The following TMEM74 variants were observed in gnomAD, a reference collection of about 807,000 sequenced individuals.
TMEM74 encodes transmembrane protein 74.
Under a neutral mutation model 18.1 loss-of-function variants are expected in TMEM74, and 13 were observed. That is an observed-to-expected ratio of 0.72 (90% CI 0.47 to 1.14). The LOEUF (loss-of-function observed/expected upper bound fraction) is 1.14, where lower values mean the gene tolerates loss of function less well. TMEM74 is among the 50% of genes most tolerant of loss of function. The pLI, the probability that TMEM74 is intolerant of heterozygous loss-of-function variation, is 0.00. For synonymous variants in TMEM74, 159 were observed against 146.6 expected (o/e 1.08, Z -0.61); for missense variants, 372 against 375.9 (o/e 0.99, Z 0.09).
chr8:108,689,558 C>A (rs1424219897), intron 1 of TMEM74, among the ~76,000 whole-genome samples: 1 of 152,180 alleles, frequency 6.6e-6, no homozygotes, highest in African/African-American at 2.4e-5. Context: ...TTCTACTCTG[C>A]TTCACCCATG....
chr8:108,629,396 T>C (rs1299067377), intron 2 of TMEM74, among the ~76,000 whole-genome samples: 3 of 151,964 alleles, frequency 2.0e-5, no homozygotes, highest in South Asian at 2.1e-4. Context: ...TGGAACCAAG[T>C]TGGAAAACAC....
chr8:108,685,294 G>T (rs1813156419), intron 1 of TMEM74, among the ~76,000 whole-genome samples: 3 of 152,030 alleles, frequency 2.0e-5, no homozygotes, highest in Admixed American at 1.3e-4. Flanking sequence ...TCTGTATCCT[G>T]CAACTTTACT....
At chr8:108,630,664 G>C (rs1812541919) in intron 2 of TMEM74, among the ~76,000 whole-genome samples, 2 of 152,006 alleles carry the variant, frequency 1.3e-5, no homozygotes, top group Admixed American at 6.6e-5. Flanking sequence ...TCAGGATTAA[G>C]AAATTCACTC....
intron 2 of TMEM74, among the ~76,000 whole-genome samples, chr8:108,650,702 T>TTTTATTTATTTATTTATTTA (rs71564014): frequency 2.4e-4 from 36 of 151,062 alleles, no homozygotes; most frequent in African/African-American, 5.3e-4. Flanking sequence ...GAGGCATTCT[T>TTTTATTTATTTATTTATTTA]TTTATTTATT....
chr8:108,692,726 C>T (rs111808324), intron 1 of TMEM74, among the ~76,000 whole-genome samples: 4,464 of 152,128 alleles, frequency 0.029, 122 homozygotes, highest in African/African-American at 0.066. Context: ...AACAAACAAA[C>T]AAATAAATAA....
rs1679284431 is a variant in TMEM74, at chr8:108,780,634, G to A, written c.*3547C>T. On this transcript the variant is annotated 3_prime_UTR_variant, in exon 2 of 2. Transcript: ENST00000297459. ...CCCTAAAACAAATAAGTATGAGGGG[G>A]ATGAACTCATATTTTAAGCAGACAG... Among the ~76,000 whole-genome samples the A allele has an allele frequency of 6.6e-6, 1 of 152,094 alleles. No homozygotes were observed. The highest frequency in any genetic ancestry group is 2.4e-5 in the African/African-American group (1 of 41,410).
intron 2 of TMEM74, among the ~76,000 whole-genome samples, chr8:108,650,407 C>T (rs1340402438): frequency 6.6e-6 from 1 of 152,102 alleles, no homozygotes; most frequent in Non-Finnish European, 1.5e-5. Context: ...ATTTTCTGTC[C>T]CAAACTATCT....
intron 1 of TMEM74, among the ~76,000 whole-genome samples, chr8:108,707,220 A>G (rs890518995): frequency 3.3e-5 from 5 of 151,848 alleles, no homozygotes; most frequent in Non-Finnish European, 7.4e-5. Flanking sequence ...AGCATTAGGA[A>G]AAATACCTAA....
chr8:108,723,702 C>A (rs1358718304), intron 1 of TMEM74, among the ~76,000 whole-genome samples: 2 of 151,878 alleles, frequency 1.3e-5, no homozygotes, highest in Non-Finnish European at 2.9e-5. Flanking sequence ...AAAATGAAAA[C>A]ATAAAACCAG....
intron 1 of TMEM74, among the ~76,000 whole-genome samples, chr8:108,766,563 C>T (rs758087999): frequency 9.9e-5 from 15 of 152,162 alleles, no homozygotes; most frequent in Non-Finnish European, 1.2e-4. Context: ...CCAAAACTTT[C>T]ACAATAGAGC....
At chr8:108,756,766 AG>A (rs1439252326) in intron 1 of TMEM74, among the ~76,000 whole-genome samples, 7 of 80,300 alleles carry the variant, frequency 8.7e-5, no homozygotes, top group East Asian at 5.3e-4. Flanking sequence ...GGAGGGAGGG[AG>A]GGGAGGGGAG....
intron 1 of TMEM74, among the ~76,000 whole-genome samples, chr8:108,733,693 C>T (rs1410194026): frequency 6.6e-6 from 1 of 152,090 alleles, no homozygotes; most frequent in Non-Finnish European, 1.5e-5. Flanking sequence ...CACTTATTAC[C>T]TCATTTCAGG....
At chr8:108,768,366 C>T (rs1465083227) in intron 1 of TMEM74, among the ~76,000 whole-genome samples, 1 of 152,088 alleles carries the variant, frequency 6.6e-6, no homozygotes, top group East Asian at 1.9e-4. Context: ...TCTCTGGACC[C>T]TTCCTAATCT....
In TMEM74 at chr8:108,784,339, T is replaced by A. The variant is rs1181301160; in HGVS notation, c.760A>T (p.Met254Leu). 2.4e-5 allele frequency: 38 copies of A among 1,614,004 alleles called. No homozygotes were observed. Among genetic ancestry groups the A allele is most frequent in the Non-Finnish European group, 3.1e-5 (37 of 1,180,014 alleles). Residue 254 changes from methionine to leucine, a missense_variant, in exon 2 of 2, where the codon ATG (methionine) becomes TTG (leucine). Met to Leu is a conservative substitution (Grantham distance 15). Coordinates refer to ENST00000297459, the MANE Select transcript of TMEM74 (RefSeq NM_153015.3). ...VILSCLLMMS[M>L]WKGELYRRNR... ...CGACGATAGAGCTCCCCCTTCCACA[T>A]GGACATCATTAACAAGCAGGACAGG...
At chr8:108,757,884 T>G (rs1239369849) in intron 1 of TMEM74, among the ~76,000 whole-genome samples, 1 of 152,018 alleles carries the variant, frequency 6.6e-6, no homozygotes, top group East Asian at 1.9e-4. Flanking sequence ...CACTGAAGCT[T>G]TGATGTCCTG....
At chr8:108,647,400 G>A (rs559471446) in intron 2 of TMEM74, among the ~76,000 whole-genome samples, 18 of 152,074 alleles carry the variant, frequency 1.2e-4, no homozygotes, top group Middle Eastern at 3.4e-3. Context: ...TTGTATTATC[G>A]AGGTACCAAA....
chr8:108,745,500 G>A (rs1813840177), intron 1 of TMEM74, among the ~76,000 whole-genome samples: 2 of 151,988 alleles, frequency 1.3e-5, no homozygotes, highest in South Asian at 4.2e-4. Context: ...TTAGCTCCTG[G>A]TCATACAGAA....
At chr8:108,717,340 T>A (rs1208900277) in intron 1 of TMEM74, among the ~76,000 whole-genome samples, 1 of 152,204 alleles carries the variant, frequency 6.6e-6, no homozygotes, top group African/African-American at 2.4e-5. Context: ...TTAAAACCTA[T>A]GAAATGATCA....
At chr8:108,759,460 T>A (rs182362650) in intron 1 of TMEM74, among the ~76,000 whole-genome samples, 1 of 152,146 alleles carries the variant, frequency 6.6e-6, no homozygotes, top group African/African-American at 2.4e-5. Flanking sequence ...ATTGCAGCAA[T>A]GTTTGTAATA....
Sources: allele counts gnomAD v4.1 joint callset (sites outside exome capture counted in the v4.1 genomes callset), GRCh38; gene constraint gnomAD v4.1.1; transcripts MANE v1.5; gene names NCBI Gene and HGNC (gene_info 2026-07-23, HGNC 2026-07-21).